LEF1: variants seen among roughly 807,000 people sequenced by gnomAD.
LEF1 encodes the protein lymphoid enhancer binding factor 1, also known as lymphoid enhancer-binding factor 1.
Under a neutral mutation model 51.2 loss-of-function variants are expected in LEF1, and 14 were observed. The ratio of observed to expected loss-of-function variants is 0.27; its 90% CI spans 0.18 to 0.43. The LOEUF is 0.43. Ranked by LOEUF, LEF1 falls within the 20% of genes least tolerant of loss-of-function variation. The pLI, the probability that LEF1 is intolerant of heterozygous loss-of-function variation, is 1.00. For missense variants in LEF1, 386 were observed against 512.0 expected, an observed-to-expected ratio of 0.75 and a Z score of 2.37; for synonymous variants, 185 against 183.2, an observed-to-expected ratio of 1.01 and a Z score of -0.08.
chr4:108,062,392 A>C (rs920895682), intron 11 of LEF1, among the ~76,000 whole-genome samples: 3 of 152,188 alleles, frequency 2.0e-5, no homozygotes, highest in Non-Finnish European at 4.4e-5. Context: ...CAGGGACAGC[A>C]TGTGCGGTGC....
At chr4:108,104,677 T>C in intron 3 of LEF1, 1 of 984,410 alleles carries the variant, frequency 1.0e-6, no homozygotes, top group Non-Finnish European at 1.2e-6. Context: ...ATGAAGGACA[T>C]ACCTATGAAT....
chr4:108,111,704 G>C (rs962090957), intron 3 of LEF1, among the ~76,000 whole-genome samples: 1 of 152,160 alleles, frequency 6.6e-6, no homozygotes. Flanking sequence ...TTGAGCTCAG[G>C]AGTTCGAAAC....
At chr4:108,074,145 A>T (rs1030584990) in intron 8 of LEF1, among the ~76,000 whole-genome samples, 9 of 152,252 alleles carry the variant, frequency 5.9e-5, no homozygotes, top group Non-Finnish European at 1.2e-4. Context: ...CATTGAAAAC[A>T]AAAACAAAGT....
chr4:108,106,407 G>A (rs1355880236), intron 3 of LEF1, among the ~76,000 whole-genome samples: 2 of 152,136 alleles, frequency 1.3e-5, no homozygotes, highest in Non-Finnish European at 2.9e-5. Context: ...CGGGTGAAGG[G>A]GAAAGGCCAG....
chr4:108,130,950 A>T (rs999304718), intron 3 of LEF1, among the ~76,000 whole-genome samples: 2 of 152,058 alleles, frequency 1.3e-5, no homozygotes, highest in African/African-American at 4.8e-5. Context: ...TATTTTCTTT[A>T]ATTTAAATCA....
chr4:108,111,758 CA>C (rs1223602230), intron 3 of LEF1, among the ~76,000 whole-genome samples: 1 of 152,040 alleles, frequency 6.6e-6, no homozygotes, highest in Non-Finnish European at 1.5e-5. Context: ...CAAAAAAATA[CA>C]AAAAAATTAG....
chr4:108,167,249 C>T lies in LEF1; in HGVS notation c.213+306G>A, dbSNP rs933922019. Among the ~76,000 whole-genome samples the T allele has an allele frequency of 6.6e-6, 1 of 152,076 alleles. No homozygotes were observed. The highest frequency in any genetic ancestry group is 2.4e-5 in the African/African-American group (1 of 41,414). ...CTCAGCCCAACAAAAAGACCGAAGG[C>T]GAAACATTGTGGGTTCCTGCCCGCG... On this transcript the variant is annotated intron_variant, in intron 1 of 11. Transcript: ENST00000265165. The surrounding 1 kb of genome is among the most constrained non-coding windows in gnomAD (Gnocchi z 5.7).
intron 9 of LEF1, among the ~76,000 whole-genome samples, chr4:108,069,931 C>T (rs2126273843): frequency 6.8e-6 from 1 of 146,862 alleles, no homozygotes; most frequent in Admixed American, 7.1e-5. Flanking sequence ...GCACTCCAGC[C>T]TGGGCGACAG....
chr4:108,142,201 C>T (rs971248941), intron 3 of LEF1, among the ~76,000 whole-genome samples: 11 of 152,208 alleles, frequency 7.2e-5, no homozygotes, highest in South Asian at 2.1e-4. Flanking sequence ...ACCTGTCCCG[C>T]GCCCTTACCT....
chr4:108,137,712 G>T (rs1235789979), intron 3 of LEF1, among the ~76,000 whole-genome samples: 1 of 152,064 alleles, frequency 6.6e-6, no homozygotes, highest in Non-Finnish European at 1.5e-5. Flanking sequence ...ATAAATTTTA[G>T]ATCCTAATTT....
intron 11 of LEF1, among the ~76,000 whole-genome samples, chr4:108,052,641 G>C (rs1331384964): frequency 6.6e-6 from 1 of 152,198 alleles, no homozygotes; most frequent in Non-Finnish European, 1.5e-5. Flanking sequence ...AAGCGTGACA[G>C]AGCTAGTCTA....
chr4:108,061,377 C>T (rs1737683422), intron 11 of LEF1, among the ~76,000 whole-genome samples: 1 of 152,120 alleles, frequency 6.6e-6, no homozygotes, highest in South Asian at 2.1e-4. Context: ...ACAAAAATAG[C>T]CATCTTTTAC....
intron 11 of LEF1, among the ~76,000 whole-genome samples, chr4:108,050,823 T>C (rs774039560): frequency 4.6e-5 from 7 of 152,104 alleles, no homozygotes; most frequent in Non-Finnish European, 1.0e-4. Flanking sequence ...CACCACTGCC[T>C]GGCACAGCGA....
chr4:108,082,456 A>G (rs1432977845), intron 5 of LEF1, among the ~76,000 whole-genome samples: 2 of 152,216 alleles, frequency 1.3e-5, no homozygotes, highest in African/African-American at 4.8e-5. Flanking sequence ...TGGATTGTCC[A>G]TGGCAGGATG....
At chr4:108,147,976 C>G (rs1216467176) in intron 3 of LEF1, among the ~76,000 whole-genome samples, 2 of 152,044 alleles carry the variant, frequency 1.3e-5, no homozygotes, top group Admixed American at 1.3e-4. Flanking sequence ...ATTGTTTGCC[C>G]AATTCAAATT....
Position 108,081,640 on chromosome 4 carries a change from C to T in LEF1, c.668G>A (p.Gly223Asp). ...GGATGGGTAGGGTTGCCTGAATCCACCCGTGATGGGATATACAGGCTGACC... is the reference window on the plus strand; with the variant it reads ...GGATGGGTAGGGTTGCCTGAATCCATCCGTGATGGGATATACAGGCTGACC... ...WQGQPVYPIT[G>D]GFRQPYPSSL... The change falls in exon 6 of 12, where the codon GGT becomes GAT. Residue 223 changes from glycine (G) to aspartate (D), a missense_variant. Transcript: ENST00000265165. 1 of 1,614,114 alleles carries T rather than the reference C, an allele frequency of 6.2e-7. No individual in the cohort carries two copies. Among genetic ancestry groups the T allele is most frequent in the Non-Finnish European group, 8.5e-7 (1 of 1,180,008 alleles).
At chr4:108,109,749 G>T (rs1412362483) in intron 3 of LEF1, among the ~76,000 whole-genome samples, 2 of 152,064 alleles carry the variant, frequency 1.3e-5, no homozygotes, top group Non-Finnish European at 2.9e-5. Context: ...ATTCCCTCAG[G>T]TTCTAAACTA....
chr4:108,141,590 A>G (rs1017803928), intron 3 of LEF1, among the ~76,000 whole-genome samples: 1 of 152,118 alleles, frequency 6.6e-6, no homozygotes, highest in African/African-American at 2.4e-5. Context: ...CCTTTTTTCA[A>G]TGCAAGCGAG....
chr4:108,111,605 G>A (rs2110315495), intron 3 of LEF1, among the ~76,000 whole-genome samples: 1 of 152,312 alleles, frequency 6.6e-6, no homozygotes, highest in East Asian at 1.9e-4. Flanking sequence ...GAGGTAGAGG[G>A]AGGCAAGAAA....
Sources: gnomAD v4.1 joint callset for allele counts (sites outside exome capture counted in the v4.1 genomes callset) on GRCh38, gnomAD v4.1.1 for gene constraint, Gnocchi (gnomAD v3.1) non-coding constraint, MANE v1.5 for transcripts, NCBI Gene and HGNC (gene_info 2026-07-23, HGNC 2026-07-21) for gene names.